CNTN3: variants seen among roughly 807,000 people sequenced by gnomAD.
The protein encoded by CNTN3 is contactin-3.
Under a neutral mutation model 119.1 loss-of-function variants are expected in CNTN3, and 60 were observed. The observed-to-expected ratio is 0.50, with a 90% CI of 0.41 to 0.62. The LOEUF is 0.62. Among genes scored for constraint, CNTN3 ranks in the 20% least tolerant of loss-of-function variants. The pLI is 0.00. For synonymous variants in CNTN3, 450 were observed against 438.7 expected (o/e 1.03, Z -0.32); for missense variants, 1,101 against 1,242.4 (o/e 0.89, Z 1.71).
chr3:74,344,332 A>G (rs955240927), intron 11 of CNTN3, among the ~76,000 whole-genome samples: 4 of 151,028 alleles, frequency 2.6e-5, no homozygotes, highest in African/African-American at 4.9e-5. Flanking sequence ...TTCCAATTCT[A>G]AAGTCATCCG....
intron 11 of CNTN3, among the ~76,000 whole-genome samples, chr3:74,352,109 C>T (rs1703829112): frequency 1.3e-5 from 2 of 152,174 alleles, no homozygotes; most frequent in Non-Finnish European, 2.9e-5. Flanking sequence ...GAACTCAAGC[C>T]AGGCTTTCTT....
At chr3:74,309,453 G>A (rs781754035) in intron 13 of CNTN3, among the ~76,000 whole-genome samples, 17 of 152,152 alleles carry the variant, frequency 1.1e-4, no homozygotes, top group Non-Finnish European at 2.1e-4. Context: ...TACCTGTTGA[G>A]TACAGAGTCT....
At position 74,330,319 on chromosome 3, in the gene CNTN3, G is replaced by A. The variant is rs996888668; in HGVS notation, c.1668+4416C>T. Among the ~76,000 whole-genome samples the A allele has an allele frequency of 4.0e-5, 6 of 151,424 alleles. No homozygotes were observed. The South Asian group carries it at 8.3e-4, about 21-fold the overall frequency. ...TGCAGTGAGTCAAGATCGTGCCACT[G>A]CACTCCAGCCTGAGTGACACAGTGA... On this transcript the variant is annotated intron_variant, in intron 13 of 22. Transcript: ENST00000263665.
intron 4 of CNTN3, among the ~76,000 whole-genome samples, chr3:74,437,760 T>C (rs1003864796): frequency 3.3e-5 from 5 of 152,080 alleles, no homozygotes; most frequent in Non-Finnish European, 7.4e-5. Flanking sequence ...CACTTTTTTT[T>C]CCCATTTTTG....
intron 13 of CNTN3, among the ~76,000 whole-genome samples, chr3:74,308,105 C>T (rs929538186): frequency 3.9e-5 from 6 of 152,092 alleles, no homozygotes; most frequent in African/African-American, 9.7e-5. Context: ...GTAAGACTCC[C>T]GGAAGGAACA....
intron 1 of CNTN3, among the ~76,000 whole-genome samples, chr3:74,535,873 G>A (rs977321165): frequency 3.9e-5 from 6 of 152,042 alleles, no homozygotes; most frequent in Admixed American, 2.0e-4. Context: ...CAACTCAGCT[G>A]CAGCCCGTCT....
intron 13 of CNTN3, among the ~76,000 whole-genome samples, chr3:74,312,259 C>T (rs759902739): frequency 1.1e-4 from 16 of 152,042 alleles, no homozygotes; most frequent in Admixed American, 7.9e-4. Context: ...CGAGACCATC[C>T]TGGCAAACAT....
chr3:74,342,227 G>A (rs77868135), intron 11 of CNTN3, among the ~76,000 whole-genome samples: 5,823 of 152,164 alleles, frequency 0.038, 388 homozygotes, highest in African/African-American at 0.13. Context: ...AACTGTATAT[G>A]TTCTCATTTA....
At chr3:74,603,516 A>G (rs1232839270) in intron 1 of CNTN3, among the ~76,000 whole-genome samples, 1 of 152,150 alleles carries the variant, frequency 6.6e-6, no homozygotes, top group Non-Finnish European at 1.5e-5. Flanking sequence ...CAGATGAATA[A>G]TGCTTGCTAG....
chr3:74,348,811 G>T (rs1395986214), intron 11 of CNTN3, among the ~76,000 whole-genome samples: 1 of 152,152 alleles, frequency 6.6e-6, no homozygotes, highest in Admixed American at 6.5e-5. Flanking sequence ...AGGGCACATG[G>T]TGGCTCATGC....
At chr3:74,328,232 C>T (rs899088076) in intron 13 of CNTN3, among the ~76,000 whole-genome samples, 5 of 152,056 alleles carry the variant, frequency 3.3e-5, no homozygotes, top group Admixed American at 3.3e-4. Context: ...AAAGTCTACA[C>T]AGTCTTATTT....
chr3:74,344,293 T>C (rs1188986960), intron 11 of CNTN3, among the ~76,000 whole-genome samples: 1 of 152,168 alleles, frequency 6.6e-6, no homozygotes, highest in Non-Finnish European at 1.5e-5. Context: ...TGTTGAGTTC[T>C]TGCAAGATAG....
In CNTN3 at chr3:74,484,550, A is replaced by G. The variant is rs138575702; in HGVS notation, c.358+1906T>C. On this transcript the variant is annotated intron_variant, in intron 4 of 22. Transcript: ENST00000263665. ...CTCTCCTGAACTGTATACAAAATGT[A>G]TAAGTACAAAAAAGGAATTTTTCAA... Among the ~76,000 whole-genome samples the G allele has an allele frequency of 1.2e-3, 187 of 152,336 alleles. 3 individuals are homozygous for G. In the East Asian group the frequency reaches 0.031, roughly 25 times the overall value.
intron 5 of CNTN3, among the ~76,000 whole-genome samples, chr3:74,391,108 C>T (rs1294378032): frequency 2.0e-5 from 3 of 152,108 alleles, no homozygotes; most frequent in African/African-American, 4.8e-5. Flanking sequence ...ATGACCATCT[C>T]GAGATTTACA....
intron 5 of CNTN3, among the ~76,000 whole-genome samples, chr3:74,402,201 A>C (rs1387695716): frequency 6.6e-6 from 1 of 152,190 alleles, no homozygotes; most frequent in Non-Finnish European, 1.5e-5. Flanking sequence ...GCTACGTCCC[A>C]AAACCCCCAA....
chr3:74,318,764 C>T (rs978051091), intron 13 of CNTN3, among the ~76,000 whole-genome samples: 2 of 152,126 alleles, frequency 1.3e-5, no homozygotes, highest in African/African-American at 2.4e-5. Flanking sequence ...CAGTCTGCCC[C>T]TACTGGGGGG....
intron 12 of CNTN3, 84 bp from the exon 13 acceptor site, chr3:74,334,994 T>A (rs1279765022): frequency 4.1e-6 from 4 of 985,568 alleles, no homozygotes; most frequent in Non-Finnish European, 6.2e-6. Flanking sequence ...ATCTAACTTA[T>A]ACTGTGTATG....
chr3:74,290,733 C>T (rs1404341008), intron 19 of CNTN3, among the ~76,000 whole-genome samples: 1 of 151,896 alleles, frequency 6.6e-6, no homozygotes, highest in Non-Finnish European at 1.5e-5. Flanking sequence ...GCTGTGTTGC[C>T]CAGGCTGGAG....
rs1389671338 is a variant in CNTN3 at position 74,316,224 on chromosome 3, C to A, written c.1669-13417G>T. Among the ~76,000 whole-genome samples, 7 of 152,016 alleles carry A rather than the reference C, an allele frequency of 4.6e-5. No homozygotes were observed. The South Asian group carries it at 1.0e-3, about 23-fold the overall frequency. On this transcript the variant is annotated intron_variant, in intron 13 of 22. Coordinates refer to ENST00000263665, the MANE Select transcript of CNTN3 (RefSeq NM_020872.3). The stretch of plus-strand genomic sequence containing the variant: ...AGAAGATATACGAGTGGCCAAAAAA[C>A]ATATGAAAAAATGCTCATCATCACT...
Sources: allele counts gnomAD v4.1 joint callset (sites outside exome capture counted in the v4.1 genomes callset), GRCh38; gene constraint gnomAD v4.1.1; transcripts MANE v1.5; gene names NCBI Gene and HGNC (gene_info 2026-07-23, HGNC 2026-07-21).